MYO5B: variants seen among roughly 807,000 people sequenced by gnomAD.
MYO5B encodes the protein myosin VB.
MYO5B carries 143 observed loss-of-function variants against 229.3 expected under a neutral mutation model. The ratio of observed to expected loss-of-function variants is 0.62; its 90% confidence interval spans 0.54 to 0.72. The LOEUF is 0.72. Ranked by LOEUF, MYO5B falls within the 30% of genes least tolerant of loss-of-function variation. MYO5B has a pLI of 0.00. For synonymous variants in MYO5B, 918 were observed against 885.2 expected (o/e 1.04, Z -0.66); for missense variants, 2,321 against 2,331.0 (o/e 1.00, Z 0.09).
intron 22 of MYO5B, among the ~76,000 whole-genome samples, chr18:49,889,687 C>T (rs1013751196): frequency 2.6e-5 from 4 of 152,242 alleles, no homozygotes; most frequent in East Asian, 1.9e-4. Context: ...ATCCTACACA[C>T]AGTCAATATC....
intron 12 of MYO5B, among the ~76,000 whole-genome samples, chr18:49,961,136 A>G (rs1409818706): frequency 1.3e-5 from 2 of 152,188 alleles, no homozygotes; most frequent in Admixed American, 1.3e-4. Context: ...AAAGTGAATC[A>G]TGAACAGCAG....
At chr18:49,887,036 G>C (rs2024650831) in intron 22 of MYO5B, among the ~76,000 whole-genome samples, 1 of 152,134 alleles carries the variant, frequency 6.6e-6, no homozygotes, top group Non-Finnish European at 1.5e-5. Context: ...CTGGGTCATG[G>C]GGGTGGATCC....
At chr18:50,138,910 T>TCCC (rs1016984677) in intron 1 of MYO5B, among the ~76,000 whole-genome samples, 4 of 152,128 alleles carry the variant, frequency 2.6e-5, no homozygotes, top group African/African-American at 9.7e-5. Context: ...GGTGCCACCA[T>TCCC]CCCCATGGCC....
chr18:49,864,051 AC>A, intron 28 of MYO5B, 89 bp downstream of exon 28: 1 of 1,570,178 alleles, frequency 6.4e-7, no homozygotes, highest in Non-Finnish European at 8.6e-7. Context: ...CAGGTTTTAG[AC>A]CCTCGTGGGT....
At chr18:50,002,729 C>T (rs1329120741) in intron 4 of MYO5B, among the ~76,000 whole-genome samples, 2 of 152,178 alleles carry the variant, frequency 1.3e-5, no homozygotes, top group Non-Finnish European at 2.9e-5. Flanking sequence ...GTGCCTGGCA[C>T]AAAGTACAAA....
In MYO5B at chr18:49,954,316, G is replaced by C. The variant is rs752541296; in HGVS notation, c.1665C>G (p.Asp555Glu). The change falls in exon 13 of 40, where the codon GAC becomes GAG. Residue 555 changes from aspartate (D) to glutamate (E), a missense_variant. Transcript: ENST00000285039. ...NTAFIIVHFA[D>E]KVEYLSDGFL... ...AGCCAACAGAGAGGAGAGCCACCTTGTCTGCAAAGTGGACGATGATGAAGG... is the reference window on the plus strand; with the variant it reads ...AGCCAACAGAGAGGAGAGCCACCTTCTCTGCAAAGTGGACGATGATGAAGG... The C allele has an allele frequency of 6.2e-7, 1 of 1,613,974 alleles. No individual in the cohort carries two copies. The highest frequency in any genetic ancestry group is 1.1e-5 in the South Asian group (1 of 91,078).
chr18:50,147,609 A>T (rs1219989879), intron 1 of MYO5B, among the ~76,000 whole-genome samples: 1 of 152,204 alleles, frequency 6.6e-6, no homozygotes, highest in African/African-American at 2.4e-5. Flanking sequence ...GATGAAATCA[A>T]ATTTAAGATC....
chr18:50,187,152 T>C (rs2033160118), intron 1 of MYO5B, among the ~76,000 whole-genome samples: 1 of 152,254 alleles, frequency 6.6e-6, no homozygotes, highest in Admixed American at 6.5e-5. Context: ...TCAAGGTGGA[T>C]ATTTCAAGTT....
chr18:50,009,283 CAGG>C (rs2026136613), intron 4 of MYO5B, among the ~76,000 whole-genome samples: 1 of 152,138 alleles, frequency 6.6e-6, no homozygotes, highest in Non-Finnish European at 1.5e-5. Context: ...GAGGCTGAGG[CAGG>C]AGAACTGCTT....
intron 27 of MYO5B, among the ~76,000 whole-genome samples, chr18:49,867,099 T>A (rs146150800): frequency 6.6e-6 from 1 of 152,106 alleles, no homozygotes; most frequent in East Asian, 1.9e-4. Context: ...GAAAAAGCAG[T>A]GAGCTGGTCA....
intron 1 of MYO5B, among the ~76,000 whole-genome samples, chr18:50,076,641 A>C (rs2852092): frequency 1.3e-5 from 2 of 152,176 alleles, no homozygotes; most frequent in African/African-American, 4.8e-5. Flanking sequence ...AGACAATTCC[A>C]AAAGGTGGTC....
At chr18:49,977,522 C>A (rs1005875683) in intron 9 of MYO5B, among the ~76,000 whole-genome samples, 2 of 152,132 alleles carry the variant, frequency 1.3e-5, no homozygotes, top group Non-Finnish European at 2.9e-5. Context: ...ATGCATTTCT[C>A]AAGCACACAT....
At chr18:50,126,893 T>C (rs1421932410) in intron 1 of MYO5B, among the ~76,000 whole-genome samples, 2 of 152,186 alleles carry the variant, frequency 1.3e-5, no homozygotes, top group Non-Finnish European at 2.9e-5. Flanking sequence ...CATTGTAAAA[T>C]AGGGTTATTA....
intron 1 of MYO5B, among the ~76,000 whole-genome samples, chr18:50,159,075 C>T (rs888718805): frequency 6.6e-6 from 1 of 152,138 alleles, no homozygotes; most frequent in African/African-American, 2.4e-5. Flanking sequence ...ACTCGTTATC[C>T]TGGGGAGACT....
intron 4 of MYO5B, among the ~76,000 whole-genome samples, chr18:50,002,859 A>G (rs981928362): frequency 6.6e-6 from 1 of 152,112 alleles, no homozygotes; most frequent in African/African-American, 2.4e-5. Flanking sequence ...CCCTCTTTAC[A>G]CCAGCTCCCA....
At chr18:49,996,132 T>C (rs1457786380) in intron 5 of MYO5B, among the ~76,000 whole-genome samples, 1 of 152,238 alleles carries the variant, frequency 6.6e-6, no homozygotes, top group East Asian at 1.9e-4. Flanking sequence ...TTCCTTGTGA[T>C]AGCTTAGGAA....
chr18:50,127,147 G>A lies in MYO5B; in HGVS notation c.27+67620C>T, dbSNP rs564416171. The stretch of plus-strand genomic sequence containing the variant: ...AGAGCAAGTTGCTTGAGTTTACATT[G>A]CTAGTTAGAGCCCCCTACTCTTCCC... On this transcript the variant is annotated intron_variant, in intron 1 of 39. Transcript: ENST00000285039. Among the ~76,000 whole-genome samples, 33 of 152,262 alleles carry A rather than the reference G, an allele frequency of 2.2e-4. 1 individual carries two copies. In the South Asian group the frequency reaches 6.8e-3, roughly 32 times the overall value.
chr18:49,872,044 A>G, intron 27 of MYO5B, 123 bp downstream of exon 27: 2 of 903,838 alleles, frequency 2.2e-6, no homozygotes, highest in Non-Finnish European at 3.7e-6. Context: ...AAGGGAAGCT[A>G]CCTGCTTACT....
At chr18:49,885,719 A>G (rs1170814553) in intron 22 of MYO5B, among the ~76,000 whole-genome samples, 1 of 152,090 alleles carries the variant, frequency 6.6e-6, no homozygotes, top group East Asian at 1.9e-4. Flanking sequence ...GCAGGAAAAA[A>G]TGGCAACACA....
Sources: allele counts gnomAD v4.1 joint callset (sites outside exome capture counted in the v4.1 genomes callset), GRCh38; gene constraint gnomAD v4.1.1; transcripts MANE v1.5; gene names NCBI Gene and HGNC (gene_info 2026-07-23, HGNC 2026-07-21).